ZNF517: variants seen among roughly 807,000 people sequenced by gnomAD.
The protein encoded by ZNF517 is zinc finger protein 517.
Under a neutral mutation model 12.1 loss-of-function variants are expected in ZNF517, and 12 were observed. The observed-to-expected ratio is 0.99, with a 90% CI of 0.63 to 1.61. The LOEUF (loss-of-function observed/expected upper bound fraction) is 1.61. Ranked by LOEUF, ZNF517 falls within the 40% of genes most tolerant of loss-of-function variation. The pLI, the probability that ZNF517 is intolerant of heterozygous loss-of-function variation, is 0.00. For missense variants in ZNF517, 781 were observed against 693.2 expected, an observed-to-expected ratio of 1.13 and a Z score of -1.42; for synonymous variants, 388 against 310.2, an observed-to-expected ratio of 1.25 and a Z score of -2.63.
chr8:144,804,458 A>G lies in ZNF517; in HGVS notation c.274+220A>G, dbSNP rs186542040. Among the ~76,000 whole-genome samples, 60 of 152,236 alleles carry G rather than the reference A, an allele frequency of 3.9e-4. No individual in the cohort carries two copies. In the East Asian group the frequency reaches 0.011, roughly 28 times the overall value. On this transcript the variant is annotated intron_variant, in intron 4 of 4. Transcript: ENST00000359971. ...AGAGTTTTCCATTTTGGTGTCCCCAAGGTGTCAGGGGCCGGGTCTGTGCTC... is the reference window on the plus strand; with the variant it reads ...AGAGTTTTCCATTTTGGTGTCCCCAGGGTGTCAGGGGCCGGGTCTGTGCTC...
intron 4 of ZNF517, 135 bp downstream of exon 4, chr8:144,804,373 T>C: frequency 3.3e-6 from 2 of 607,746 alleles, no homozygotes; most frequent in Admixed American, 3.1e-5. Context: ...GATTTCCTAC[T>C]AACTGCCTTG....
Position 144,806,964 on chromosome 8 carries a change from G to A in ZNF517, c.275-227G>A, listed in dbSNP as rs193067512. On this transcript the variant is annotated intron_variant, in intron 4 of 4. Coordinates refer to ENST00000359971, the MANE Select transcript of ZNF517 (RefSeq NM_213605.3). Reference sequence around the variant, plus strand: ...AAGACAGTCTCACTCTTTCGCCCAGGCTGGAGTGCAATGGCTCGATCTCGG... The same window carrying A: ...AAGACAGTCTCACTCTTTCGCCCAGACTGGAGTGCAATGGCTCGATCTCGG... Among the ~76,000 whole-genome samples, 60 of 152,124 alleles carry A rather than the reference G, an allele frequency of 3.9e-4. 1 individual carries two copies. The highest frequency in any genetic ancestry group is 2.1e-3 in the Admixed American group (32 of 15,278).
At chr8:144,813,417 A>C (rs1193255904), downstream of ZNF517, among the ~76,000 whole-genome samples, 1 of 152,186 alleles carries the variant, frequency 6.6e-6, no homozygotes, top group African/African-American at 2.4e-5. Context: ...CACAAAACGG[A>C]AAGTCATCTC....
chr8:144,803,781 C>T lies in ZNF517; in HGVS notation c.160+14C>T. ...TGGCCTCACTAGGTGAGGGCTTCTG[C>T]CTTTGGTCCTGGGGCCGGGAGGTGC... is the stretch of plus-strand genomic sequence containing the variant. On this transcript the variant is annotated intron_variant, in intron 3 of 4. Coordinates refer to ENST00000359971, the MANE Select transcript of ZNF517 (RefSeq NM_213605.3). 1 of 1,611,504 alleles carries T rather than the reference C, an allele frequency of 6.2e-7. No individual in the cohort carries two copies. Among genetic ancestry groups the T allele is most frequent in the Non-Finnish European group, 8.5e-7 (1 of 1,178,316 alleles).
In ZNF517 at chr8:144,803,663, T is replaced by A. The variant is rs555577484; in HGVS notation, c.56T>A (p.Val19Glu). The change falls in exon 3 of 5, where the codon GTG becomes GAG. Residue 19 changes from valine to glutamate, a missense_variant. Coordinates refer to ENST00000359971, the MANE Select transcript of ZNF517 (RefSeq NM_213605.3). ...CAGGAGGCGGTTGTGTTCGAGGATG[T>A]GGCTGTGTACTTCACAAGGATAGAG... ...GPQEAVVFEDVAVYFTRIEWS... is the reference protein window; with the variant it reads ...GPQEAVVFEDEAVYFTRIEWS... The A allele has an allele frequency of 1.9e-6, 3 of 1,614,110 alleles. No individual in the cohort carries two copies. The Admixed American group carries it at 5.0e-5, about 27-fold the overall frequency.
At position 144,807,466 on chromosome 8, in the gene ZNF517, A is replaced by G. The variant is rs569463835; in HGVS notation, c.550A>G (p.Lys184Glu). Residue 184 changes from lysine (K) to glutamate (E), a missense_variant, in exon 5 of 5, where the codon AAG (lysine) becomes GAG (glutamate). Physicochemically the swap from Lys to Glu is moderately conservative, Grantham distance 56. Transcript: ENST00000359971. ...CCCCCGCTACAGGTGCGTGTGCGGC[A>G]AGGCGTTCAGATACAACTCGCTGCT... ...SAPRYRCVCG[K>E]AFRYNSLLLR... The G allele has an allele frequency of 6.3e-7, 1 of 1,578,838 alleles. No individual in the cohort carries two copies. Among genetic ancestry groups the G allele is most frequent in the South Asian group, 1.1e-5 (1 of 87,020 alleles).
In ZNF517 at chr8:144,808,447, G is replaced by A. The variant is rs761942380; in HGVS notation, c.*52G>A. 2 of 1,432,412 alleles carry A rather than the reference G, an allele frequency of 1.4e-6. No individual in the cohort carries two copies. Among genetic ancestry groups the A allele is most frequent in the Admixed American group, 3.1e-5 (1 of 32,718 alleles). 88.7% of individuals were successfully genotyped at this position (1,432,412 alleles called of 1,614,324 possible). A position where few individuals can be genotyped will look rare whatever the true frequency, so the allele number is the denominator to read the frequency against. ...ACGCTGGAAGCCCACCCAAGCCGGCGGGGCCCTAGCGCAGAAATTCAGAAC... is the reference window on the plus strand; with the variant it reads ...ACGCTGGAAGCCCACCCAAGCCGGCAGGGCCCTAGCGCAGAAATTCAGAAC... On this transcript the variant is annotated 3_prime_UTR_variant, in exon 5 of 5. Transcript: ENST00000359971.
chr8:144,807,100 T>C lies in ZNF517; in HGVS notation c.275-91T>C, dbSNP rs185137626. ...GTAAAGCTGGGTGTTGGGGGAAGAC[T>C]TGGGAATAAAAAGGTTATGTCTTCA... On this transcript the variant is annotated intron_variant, in intron 4 of 4. Transcript: ENST00000359971. 24 of 1,467,790 alleles carry C rather than the reference T, an allele frequency of 1.6e-5. No homozygotes were observed. In the East Asian group the frequency reaches 5.4e-4, roughly 33 times the overall value. The allele number at this position is 1,467,790 out of a possible 1,614,324, so 90.9% of individuals were successfully genotyped here. A position where few individuals can be genotyped will look rare whatever the true frequency, so the allele number is the denominator to read the frequency against.
intron 2 of ZNF517, 32 bp downstream of exon 2, chr8:144,802,979 A>G (rs1827041571): frequency 6.2e-7 from 1 of 1,613,374 alleles, no homozygotes; most frequent in African/African-American, 1.3e-5. Flanking sequence ...CCATTGCCCC[A>G]GGAGACTGCT....
chr8:144,810,518 GT>G (rs776861389), downstream of ZNF517: 5 of 347,880 alleles, frequency 1.4e-5, no homozygotes, highest in Non-Finnish European at 2.6e-5. Context: ...AGGCTGAAGG[GT>G]TGTCCCTGAG....
At position 144,807,642 on chromosome 8, in the gene ZNF517, C is replaced by A. The variant is rs1453715089; in HGVS notation, c.726C>A (p.Phe242Leu). ...AGTGCGGCGAGTGCGGGAAGGCCTT[C>A]CGGCAGAGCACGCAGCTGGCTGCCC... ...PFQCGECGKA[F>L]RQSTQLAAHH... The change falls in exon 5 of 5, where the codon TTC (phenylalanine) becomes TTA (leucine). Residue 242 changes from phenylalanine (F) to leucine (L), a missense_variant. Phe to Leu is a conservative substitution (Grantham distance 22, BLOSUM62 0). Coordinates refer to ENST00000359971, the MANE Select transcript of ZNF517 (RefSeq NM_213605.3). 3 of 1,610,072 alleles carry A rather than the reference C, an allele frequency of 1.9e-6. No homozygotes were observed. The highest frequency in any genetic ancestry group is 1.7e-5 in the Admixed American group (1 of 59,796).
intron 1 of ZNF517, among the ~76,000 whole-genome samples, chr8:144,801,060 T>C (rs908352759): frequency 6.6e-6 from 1 of 152,120 alleles, no homozygotes; most frequent in African/African-American, 2.4e-5. Flanking sequence ...AACTCCTGAC[T>C]TCAAATGATC....
chr8:144,806,348 C>T (rs1045233633), intron 4 of ZNF517, among the ~76,000 whole-genome samples: 22 of 152,242 alleles, frequency 1.4e-4, no homozygotes, highest in African/African-American at 5.1e-4. Context: ...ACTTGCACCT[C>T]ATGCCTGGCC....
chr8:144,809,946 G>A lies in ZNF517; in HGVS notation c.*1551G>A, dbSNP rs574079158. ...TGGGTGCCTGTAATCCCAGCTACTC[G>A]GGAGGCTGAAGCAGGAGAATCACTT... On this transcript the variant is annotated 3_prime_UTR_variant, in exon 5 of 5. Coordinates refer to ENST00000359971, the MANE Select transcript of ZNF517 (RefSeq NM_213605.3). The A allele has an allele frequency of 1.2e-4, 50 of 417,026 alleles. No individual in the cohort carries two copies. The highest frequency in any genetic ancestry group is 1.8e-4 in the African/African-American group (9 of 49,890). The allele number at this position is 417,026 out of a possible 1,614,324, so 25.8% of individuals were successfully genotyped here.
In ZNF517 at chr8:144,808,099, CCGTT is replaced by C; in HGVS notation, c.1186_1189del (p.Phe396SerfsTer43). 1 of 1,612,170 alleles carries C rather than the reference CCGTT, an allele frequency of 6.2e-7. No individual in the cohort carries two copies. Among genetic ancestry groups the C allele is most frequent in the Non-Finnish European group, 8.5e-7 (1 of 1,179,526 alleles). The stretch of plus-strand genomic sequence containing the variant: ...CCTGCGCCTACACACGGGCGAGAAG[CCGTT>C]CGAGTGCGCGGAGTGCGGCAAGGCC... On this transcript the variant is annotated frameshift_variant, in exon 5 of 5. Transcript: ENST00000359971. LOFTEE classifies it low-confidence loss of function (END_TRUNC).
downstream of ZNF517, chr8:144,810,441 A>G: frequency 2.4e-6 from 1 of 420,738 alleles, no homozygotes; most frequent in Non-Finnish European, 4.3e-6. Flanking sequence ...GGGCACCAAG[A>G]TGGGGAGGGC....
intron 1 of ZNF517, among the ~76,000 whole-genome samples, chr8:144,799,228 C>T (rs993968913): frequency 2.0e-5 from 3 of 152,126 alleles, no homozygotes; most frequent in Non-Finnish European, 4.4e-5. Context: ...GGAGGCCTGG[C>T]GAGGTGGGGC....
chr8:144,800,735 C>A (rs536975540), intron 1 of ZNF517: 3 of 975,418 alleles, frequency 3.1e-6, no homozygotes, highest in African/African-American at 3.5e-5. Context: ...TCTGTCTGAT[C>A]CACCCCCATC....
chr8:144,802,039 A>G (rs891647782), intron 1 of ZNF517, among the ~76,000 whole-genome samples: 2 of 152,172 alleles, frequency 1.3e-5, no homozygotes, highest in Non-Finnish European at 2.9e-5. Flanking sequence ...TCTCAAAAAA[A>G]GGAAAGAAAA....
Sources: gnomAD v4.1 joint callset for allele counts (sites outside exome capture counted in the v4.1 genomes callset) on GRCh38, gnomAD v4.1.1 for gene constraint, MANE v1.5 for transcripts, NCBI Gene and HGNC (gene_info 2026-07-23, HGNC 2026-07-21) for gene names.